Variants in MYL12A observed in about 807,000 individuals in gnomAD.
MYL12A encodes myosin regulatory light chain 12A.
A neutral mutation model predicts 13.3 loss-of-function variants in MYL12A; 11 were observed. The observed-to-expected ratio is 0.83, with a 90% confidence interval of 0.52 to 1.37. MYL12A has a LOEUF of 1.37. Ranked by LOEUF, MYL12A falls within the 40% of genes most tolerant of loss-of-function variation. The pLI, the probability that MYL12A is intolerant of heterozygous loss-of-function variation, is 0.00. For missense variants in MYL12A, 146 were observed against 212.3 expected, an observed-to-expected ratio of 0.69 and a Z score of 1.94; for synonymous variants, 51 against 69.9, an observed-to-expected ratio of 0.73 and a Z score of 1.35.
At chr18:3,252,522 C>G (rs913891827) in intron 1 of MYL12A, 9 of 1,196,526 alleles carry the variant, frequency 7.5e-6, no homozygotes, top group Non-Finnish European at 8.8e-6. Context: ...AAGATGTTTT[C>G]TAAAACTTTT....
intron 1 of MYL12A, among the ~76,000 whole-genome samples, chr18:3,250,756 G>T (rs2081477003): frequency 6.6e-6 from 1 of 152,114 alleles, no homozygotes; most frequent in South Asian, 2.1e-4. Context: ...GTTTTTCAAG[G>T]TCTTCCTCCT....
At chr18:3,254,714 T>C (rs2081520008) in intron 3 of MYL12A, among the ~76,000 whole-genome samples, 1 of 152,266 alleles carries the variant, frequency 6.6e-6, no homozygotes, top group Non-Finnish European at 1.5e-5. Context: ...AAAAACAAAA[T>C]GTTATCTATA....
At chr18:3,249,805 G>C (rs1282624794) in intron 1 of MYL12A, 1 of 152,176 alleles carries the variant, frequency 6.6e-6, no homozygotes, top group African/African-American at 2.4e-5. Context: ...CTACTCCAGA[G>C]GCTGAGGCAG....
rs375600981 is a variant in MYL12A, at chr18:3,249,810, A to C, written c.-16+1901A>C. 5.9e-4 allele frequency: 90 copies of C among 152,328 alleles called. 1 individual carries two copies. Among genetic ancestry groups the C allele is most frequent in the African/African-American group, 2.0e-3 (85 of 41,540 alleles). The allele number at this position is 152,328 out of a possible 1,614,324, so 9.4% of individuals were successfully genotyped here. On this transcript the variant is annotated intron_variant, in intron 1 of 3. Transcript: ENST00000217652. ...GTAATCCCAGCTACTCCAGAGGCTG[A>C]GGCAGAGAATTGCTTGAACCCTGGA...
chr18:3,252,495 AG>A, intron 1 of MYL12A: 1 of 1,258,524 alleles, frequency 7.9e-7, no homozygotes, highest in Non-Finnish European at 1.0e-6. Flanking sequence ...AAGAGAGCAA[AG>A]GTAGTTTCTA....
chr18:3,255,075 T>C (rs552705964), intron 3 of MYL12A, among the ~76,000 whole-genome samples: 229 of 152,336 alleles, frequency 1.5e-3, no homozygotes, highest in Non-Finnish European at 2.6e-3. Context: ...GCACACACCT[T>C]TCAGCTTACC....
rs78203534 is a variant in MYL12A at position 3,256,048 on chromosome 18, T to C, written c.*130T>C. On this transcript the variant is annotated 3_prime_UTR_variant, in exon 4 of 4. Coordinates refer to ENST00000217652, the MANE Select transcript of MYL12A (RefSeq NM_006471.4). ...TTTATTCTCAGCCATTTTGGGCATA[T>C]GTATCTTTATAATCAGACTGGAAAC... 1.5e-4 allele frequency: 181 copies of C among 1,196,444 alleles called. No homozygotes were observed. In the East Asian group the frequency reaches 4.6e-3, roughly 30 times the overall value. 74.1% of individuals were successfully genotyped at this position (1,196,444 alleles called of 1,614,324 possible). A position where few individuals can be genotyped will look rare whatever the true frequency, so the allele number is the denominator to read the frequency against.
At chr18:3,248,537 A>G (rs2081452875) in intron 1 of MYL12A, 1 of 152,216 alleles carries the variant, frequency 6.6e-6, no homozygotes, top group African/African-American at 2.4e-5. Flanking sequence ...TAGGTATATG[A>G]ATGTATCTGT....
At chr18:3,251,982 T>G (rs1345757498) in intron 1 of MYL12A, among the ~76,000 whole-genome samples, 1 of 152,230 alleles carries the variant, frequency 6.6e-6, no homozygotes, top group Non-Finnish European at 1.5e-5. Context: ...ATAATTGTAT[T>G]TAGTCTGGAC....
intron 1 of MYL12A, chr18:3,249,362 C>T (rs1341625602): frequency 6.6e-6 from 1 of 152,074 alleles, no homozygotes; most frequent in Non-Finnish European, 1.5e-5. Context: ...TCGTTACAGC[C>T]CACAATGATT....
chr18:3,247,792 C>G (rs1429716923), upstream of MYL12A: 2 of 152,208 alleles, frequency 1.3e-5, no homozygotes, highest in African/African-American at 4.8e-5. Flanking sequence ...GGCTTCCTTC[C>G]GGCTTGCTAA....
Position 3,255,954 on chromosome 18 carries a change from C to T in MYL12A, c.*36C>T. 1 of 1,604,452 alleles carries T rather than the reference C, an allele frequency of 6.2e-7. No homozygotes were observed. Among genetic ancestry groups the T allele is most frequent in the Non-Finnish European group, 8.5e-7 (1 of 1,174,724 alleles). Reference sequence around the variant, plus strand: ...AATTCCAGCCAAACGTTCCTTGTTGCCACTTTGGGTATTCTGAGATTTTCT... The same window carrying T: ...AATTCCAGCCAAACGTTCCTTGTTGTCACTTTGGGTATTCTGAGATTTTCT... On this transcript the variant is annotated 3_prime_UTR_variant, in exon 4 of 4. Transcript: ENST00000217652.
rs761526512 is a variant in MYL12A, at chr18:3,253,252, C to A, written c.5C>A (p.Ser2Ter). The change falls in exon 2 of 4, where the codon TCG becomes TAG. Residue 2 changes from serine to a stop codon, truncating the protein, a stop_gained. Transcript: ENST00000217652. LOFTEE classifies it high-confidence loss of function. ...AATTAGGACTTAACCACCACCATGTCGAGCAAAAGAACAAAGACCAAGACC... is the reference window on the plus strand; with the variant it reads ...AATTAGGACTTAACCACCACCATGTAGAGCAAAAGAACAAAGACCAAGACC... The part of the protein sequence containing the change: M[S>*]SKRTKTKTKK... 6.2e-7 allele frequency: 1 copy of A among 1,612,592 alleles called. No homozygotes were observed. Among genetic ancestry groups the A allele is most frequent in the Non-Finnish European group, 8.5e-7 (1 of 1,179,020 alleles).
At position 3,255,753 on chromosome 18, in the gene MYL12A, A is replaced by T. The variant is rs1022612545; in HGVS notation, c.351A>T (p.Ile117=). The T allele has an allele frequency of 1.2e-6, 2 of 1,612,776 alleles. No individual in the cohort carries two copies. Among genetic ancestry groups the T allele is most frequent in the Non-Finnish European group, 1.7e-6 (2 of 1,179,674 alleles). ...ACFDEEATGT[I]QEDYLRELLT... ...TTGTTCTTTATTCTCCAGGCACCAT[A>T]CAGGAAGATTACTTGAGAGAGCTGC... is the stretch of plus-strand genomic sequence containing the variant. Residue 117 remains isoleucine (I), a synonymous_variant, in exon 4 of 4, where the codon ATA becomes ATT. Transcript: ENST00000217652.
chr18:3,247,691 A>G (rs1342843424), upstream of MYL12A: 4 of 152,320 alleles, frequency 2.6e-5, no homozygotes, highest in African/African-American at 4.8e-5. Context: ...GCACTTGGTC[A>G]ATACCACGCC....
chr18:3,255,074 T>G (rs930029180), intron 3 of MYL12A, among the ~76,000 whole-genome samples: 4 of 152,212 alleles, frequency 2.6e-5, no homozygotes, highest in African/African-American at 9.7e-5. Context: ...AGCACACACC[T>G]TTCAGCTTAC....
intron 1 of MYL12A, 98 bp from the exon 2 acceptor site, chr18:3,253,135 A>G (rs2081503091): frequency 1.5e-6 from 2 of 1,313,042 alleles, no homozygotes; most frequent in African/African-American, 1.5e-5. Context: ...ATATCAGGAA[A>G]GTTGGTTCTG....
chr18:3,252,097 A>G (rs201601766), intron 1 of MYL12A: 79 of 437,446 alleles, frequency 1.8e-4, no homozygotes, highest in East Asian at 1.0e-4. Flanking sequence ...GTGGTAGTTC[A>G]TTCTTTGCAG....
Position 3,256,001 on chromosome 18 carries a change from A to T in MYL12A, c.*83A>T. 1.3e-6 allele frequency: 2 copies of T among 1,507,526 alleles called. 1 individual carries two copies. Among genetic ancestry groups the T allele is most frequent in the Non-Finnish European group, 1.8e-6 (2 of 1,115,778 alleles). The allele number at this position is 1,507,526 out of a possible 1,614,324, so 93.4% of individuals were successfully genotyped here. On this transcript the variant is annotated 3_prime_UTR_variant, in exon 4 of 4. Coordinates refer to ENST00000217652, the MANE Select transcript of MYL12A (RefSeq NM_006471.4). ...TTCTCTTGCATGCCCTTAGCTTTAC[A>T]GCTTTTGCATTTCCTGTTGTATTTA...
Sources: gnomAD v4.1 joint callset for allele counts (sites outside exome capture counted in the v4.1 genomes callset) on GRCh38, gnomAD v4.1.1 for gene constraint, MANE v1.5 for transcripts, NCBI Gene and HGNC (gene_info 2026-07-23, HGNC 2026-07-21) for gene names.